RBFOX1: variants seen among roughly 807,000 people sequenced by gnomAD.
RBFOX1 encodes RNA binding protein fox-1 homolog 1.
A neutral mutation model predicts 57.7 loss-of-function variants in RBFOX1; 8 were observed. That is an observed-to-expected ratio of 0.14 (90% confidence interval 0.08 to 0.25). The LOEUF is 0.25. Among genes scored for constraint, RBFOX1 ranks in the 10% least tolerant of loss-of-function variants. The probability of loss-of-function intolerance (pLI) is 1.00; values close to 1 mark genes in which losing one functional copy is unlikely to be tolerated. For missense variants in RBFOX1, 611 were observed against 548.5 expected (o/e 1.11, Z -1.14); for synonymous variants, 326 against 222.4 (o/e 1.47, Z -4.15).
chr16:7,073,261 C>T (rs912151473), intron 4 of RBFOX1, among the ~76,000 whole-genome samples: 1 of 152,136 alleles, frequency 6.6e-6, no homozygotes, highest in South Asian at 2.1e-4. Flanking sequence ...ATTTTACCTG[C>T]AAAGCCTAAA....
At chr16:7,164,031 T>C (rs1039196858) in intron 4 of RBFOX1, among the ~76,000 whole-genome samples, 6 of 152,164 alleles carry the variant, frequency 3.9e-5, no homozygotes, top group African/African-American at 1.2e-4. Context: ...ATAAGTTCTT[T>C]AGTGGTGATT....
chr16:7,359,222 C>G (rs903979737), intron 4 of RBFOX1, among the ~76,000 whole-genome samples: 2 of 152,166 alleles, frequency 1.3e-5, no homozygotes, highest in Non-Finnish European at 2.9e-5. Flanking sequence ...TAATCCTTAC[C>G]TCTCAGAGGG....
intron 1 of RBFOX1, among the ~76,000 whole-genome samples, chr16:5,268,962 T>G (rs1045365779): frequency 1.3e-5 from 2 of 151,974 alleles, no homozygotes; most frequent in African/African-American, 4.8e-5. Context: ...TCGCCCAGGC[T>G]AGAGTGCAGT....
chr16:7,300,982 GAT>G (rs2096016428), intron 4 of RBFOX1, among the ~76,000 whole-genome samples: 1 of 152,140 alleles, frequency 6.6e-6, no homozygotes, highest in Admixed American at 6.5e-5. Flanking sequence ...TTTGTGGAGA[GAT>G]AAGAGTATTT....
chr16:5,662,935 A>G (rs1024542732), intron 3 of RBFOX1, among the ~76,000 whole-genome samples: 3 of 152,228 alleles, frequency 2.0e-5, no homozygotes, highest in Non-Finnish European at 4.4e-5. Context: ...TGCTTAACAC[A>G]TAGTAGACGC....
At position 5,289,027 on chromosome 16, in the gene RBFOX1, A is replaced by C. The variant is rs35722130; in HGVS notation, c.219+48922A>C. The stretch of plus-strand genomic sequence containing the variant: ...GTAGTCCCACCTACTCGGGAGGCTG[A>C]GGCAGGGGAATCGCTTGAACCTGGG... On this transcript the variant is annotated intron_variant, in intron 1 of 2. Transcript: ENST00000585867. 6.4e-3 allele frequency among the ~76,000 whole-genome samples: 970 copies of C among 152,320 alleles called. 9 individuals carry two copies. Among genetic ancestry groups the C allele is most frequent in the Non-Finnish European group, 7.8e-3 (530 of 68,022 alleles).
chr16:7,652,288 G>C (rs1000369330), intron 11 of RBFOX1, among the ~76,000 whole-genome samples: 1 of 152,164 alleles, frequency 6.6e-6, no homozygotes, highest in Non-Finnish European at 1.5e-5. Context: ...CCCAGATAGA[G>C]GAAACAGCAG....
At chr16:6,594,077 C>G (rs1348415265) in intron 2 of RBFOX1, among the ~76,000 whole-genome samples, 1 of 152,134 alleles carries the variant, frequency 6.6e-6, no homozygotes, top group Non-Finnish European at 1.5e-5. Context: ...TTGAGTTCAT[C>G]TATATCCACA....
At chr16:6,801,876 C>G (rs1748669214) in intron 3 of RBFOX1, among the ~76,000 whole-genome samples, 1 of 152,054 alleles carries the variant, frequency 6.6e-6, no homozygotes, top group Admixed American at 6.6e-5. Context: ...CTAAGTGGTT[C>G]ATTTATTGTC....
intron 3 of RBFOX1, among the ~76,000 whole-genome samples, chr16:6,688,347 A>T (rs977657945): frequency 6.6e-6 from 1 of 152,182 alleles, no homozygotes; most frequent in Non-Finnish European, 1.5e-5. Context: ...CACCCCCATG[A>T]TTCAATCACC....
At chr16:7,587,143 T>A in intron 6 of RBFOX1, 104 bp from the exon 7 acceptor site, 5 of 1,265,940 alleles carry the variant, frequency 3.9e-6, no homozygotes, top group Non-Finnish European at 5.1e-6. Context: ...GTATCCTTGG[T>A]ATTAAAAGAG....
chr16:5,245,573 T>C (rs994309344), intron 1 of RBFOX1, among the ~76,000 whole-genome samples: 4 of 152,112 alleles, frequency 2.6e-5, no homozygotes, highest in Non-Finnish European at 1.5e-5. Context: ...GCCTCCCAAG[T>C]AGCTGGAAAT....
At chr16:6,585,334 G>A (rs900784881) in intron 2 of RBFOX1, among the ~76,000 whole-genome samples, 2 of 152,264 alleles carry the variant, frequency 1.3e-5, no homozygotes, top group South Asian at 4.2e-4. Context: ...ACACATTTAT[G>A]GTGTGAGGAA....
chr16:5,252,799 G>C (rs1214189377), intron 1 of RBFOX1, among the ~76,000 whole-genome samples: 10 of 152,200 alleles, frequency 6.6e-5, no homozygotes, highest in African/African-American at 2.4e-4. Context: ...CTTCTGCAAG[G>C]GGCCTGCAGA....
At chr16:5,977,446 G>A (rs748367909) in intron 4 of RBFOX1, among the ~76,000 whole-genome samples, 52 of 152,162 alleles carry the variant, frequency 3.4e-4, no homozygotes, top group Non-Finnish European at 4.6e-4. Flanking sequence ...CTGTGTGTGC[G>A]GTGCAGGGGA....
chr16:5,823,973 G>A (rs1215643855), intron 3 of RBFOX1, among the ~76,000 whole-genome samples: 1 of 152,064 alleles, frequency 6.6e-6, no homozygotes, highest in Non-Finnish European at 1.5e-5. Context: ...CCAGTCCCTG[G>A]TGCCAAAAAG....
At chr16:6,568,760 C>G (rs2097302896) in intron 2 of RBFOX1, among the ~76,000 whole-genome samples, 1 of 151,874 alleles carries the variant, frequency 6.6e-6, no homozygotes, top group African/African-American at 2.4e-5. Flanking sequence ...TACCAGTGTG[C>G]TTATAACTCT....
At chr16:5,840,993 G>A (rs1188854816) in intron 3 of RBFOX1, among the ~76,000 whole-genome samples, 3 of 152,150 alleles carry the variant, frequency 2.0e-5, no homozygotes, top group Non-Finnish European at 2.9e-5. Context: ...TACAACAGGG[G>A]AATCAGAATG....
At chr16:6,829,597 T>G (rs1273601304) in intron 3 of RBFOX1, among the ~76,000 whole-genome samples, 1 of 152,084 alleles carries the variant, frequency 6.6e-6, no homozygotes, top group East Asian at 1.9e-4. Context: ...ATGAATGTAT[T>G]TTCTTTTTTC....
Sources: gnomAD v4.1 joint callset for allele counts (sites outside exome capture counted in the v4.1 genomes callset) on GRCh38, gnomAD v4.1.1 for gene constraint, MANE v1.5 for transcripts, NCBI Gene and HGNC (gene_info 2026-07-23, HGNC 2026-07-21) for gene names.